RBFOX3: variants seen among roughly 807,000 people sequenced by gnomAD.
RBFOX3 encodes RNA binding protein fox-1 homolog 3.
In RBFOX3, 17 loss-of-function variants were observed where a neutral mutation model predicts 48.7. The observed-to-expected ratio is 0.35, with a 90% CI of 0.24 to 0.52. The LOEUF (loss-of-function observed/expected upper bound fraction) is 0.52, where lower values mean the gene tolerates loss of function less well. RBFOX3 is among the 20% of genes least tolerant of loss of function. RBFOX3 has a pLI of 0.94. For missense variants in RBFOX3, 382 were observed against 497.5 expected, an observed-to-expected ratio of 0.77 and a Z score of 2.21; for synonymous variants, 212 against 209.5, an observed-to-expected ratio of 1.01 and a Z score of -0.10.
chr17:79,590,819 G>A (rs950725148), intron 1 of RBFOX3, among the ~76,000 whole-genome samples: 68 of 152,226 alleles, frequency 4.5e-4, no homozygotes, highest in Non-Finnish European at 6.9e-4. Context: ...TCAGCCCTGG[G>A]GTAAGAGTTC....
At chr17:79,485,470 C>A (rs1281740252) in intron 1 of RBFOX3, among the ~76,000 whole-genome samples, 2 of 152,144 alleles carry the variant, frequency 1.3e-5, no homozygotes, top group African/African-American at 4.8e-5. Flanking sequence ...CCCTCCCCAG[C>A]ACAGAAATCT....
At chr17:79,411,048 T>C (rs1011944284) in intron 2 of RBFOX3, among the ~76,000 whole-genome samples, 34 of 152,298 alleles carry the variant, frequency 2.2e-4, no homozygotes, top group African/African-American at 8.2e-4. Context: ...ACCTTGCCAT[T>C]TTGTGCCTCA....
chr17:79,403,782 CTTTT>C (rs781618072), intron 2 of RBFOX3, among the ~76,000 whole-genome samples: 1 of 124,352 alleles, frequency 8.0e-6, no homozygotes, highest in Admixed American at 8.6e-5. Context: ...TGTTCTTTTT[CTTTT>C]TTTTTTTTTT....
At chr17:79,314,444 A>C (rs965795510) in intron 2 of RBFOX3, among the ~76,000 whole-genome samples, 4 of 152,208 alleles carry the variant, frequency 2.6e-5, no homozygotes, top group Non-Finnish European at 2.9e-5. Flanking sequence ...AGGCAGGTGC[A>C]GATGGCCTCG....
At position 79,515,567 on chromosome 17, in the gene RBFOX3, A is replaced by C. The variant is rs1017928945; in HGVS notation, c.-319-32969T>G. On this transcript the variant is annotated intron_variant, in intron 1 of 14. Coordinates refer to ENST00000693108, the MANE Select transcript of RBFOX3 (RefSeq NM_001350451.2). ...GCCGCTGGCAGCACAGTTCCTTCTC[A>C]GAGTCTCTGCTCTGCTCTTTCCTTG... is the stretch of plus-strand genomic sequence containing the variant. Among the ~76,000 whole-genome samples the C allele has an allele frequency of 1.3e-5, 2 of 152,236 alleles. 1 individual carries two copies. The highest frequency in any genetic ancestry group is 1.3e-4 in the Admixed American group (2 of 15,282).
intron 3 of RBFOX3, among the ~76,000 whole-genome samples, chr17:79,271,491 C>G (rs1031019419): frequency 6.6e-6 from 1 of 152,200 alleles, no homozygotes; most frequent in Admixed American, 6.5e-5. Context: ...ATTAGCCGCT[C>G]TTTGCGCTGT....
chr17:79,458,652 T>G (rs925740524), intron 2 of RBFOX3, among the ~76,000 whole-genome samples: 16 of 151,876 alleles, frequency 1.1e-4, no homozygotes, highest in African/African-American at 3.6e-4. Flanking sequence ...TGAGCTCTTC[T>G]GCAGTGCTAG....
intron 4 of RBFOX3, among the ~76,000 whole-genome samples, chr17:79,211,502 G>A (rs932036461): frequency 6.6e-6 from 1 of 152,230 alleles, no homozygotes; most frequent in Non-Finnish European, 1.5e-5. Flanking sequence ...CAGAGCTGCT[G>A]GGACTGGCTC....
At position 79,205,430 on chromosome 17, in the gene RBFOX3, T is replaced by C. The variant is rs1277261008; in HGVS notation, c.-34+30336A>G. On this transcript the variant is annotated intron_variant, in intron 4 of 14. Coordinates refer to ENST00000693108, the MANE Select transcript of RBFOX3 (RefSeq NM_001350451.2). The surrounding 1 kb of genome is among the most constrained non-coding windows in gnomAD (Gnocchi z 4.5). ...GAGTCTGCATTTGGATGGCTACACTTAGCATCTAGCATAACCTGAATATGA... is the reference window on the plus strand; with the variant it reads ...GAGTCTGCATTTGGATGGCTACACTCAGCATCTAGCATAACCTGAATATGA... Among the ~76,000 whole-genome samples, 1 of 152,124 alleles carries C rather than the reference T, an allele frequency of 6.6e-6. No homozygotes were observed. Among genetic ancestry groups the C allele is most frequent in the Admixed American group, 6.6e-5 (1 of 15,264 alleles).
At chr17:79,565,367 A>T (rs2092419233) in intron 1 of RBFOX3, among the ~76,000 whole-genome samples, 1 of 147,922 alleles carries the variant, frequency 6.8e-6, no homozygotes, top group African/African-American at 2.5e-5. Flanking sequence ...TGAGACAGAG[A>T]CTCGCTCTGT....
At chr17:79,587,828 G>A (rs1395113192) in intron 1 of RBFOX3, among the ~76,000 whole-genome samples, 1 of 152,164 alleles carries the variant, frequency 6.6e-6, no homozygotes, top group Non-Finnish European at 1.5e-5. Flanking sequence ...TTCACGGGAG[G>A]ACGGAACATT....
intron 2 of RBFOX3, among the ~76,000 whole-genome samples, chr17:79,445,995 G>A (rs751971547): frequency 2.0e-5 from 3 of 152,146 alleles, no homozygotes; most frequent in Admixed American, 6.5e-5. Context: ...CATGGCGAGC[G>A]GAACCAGGGA....
the RBFOX3 span, among the ~76,000 whole-genome samples, chr17:79,623,640 G>A: frequency 6.6e-6 from 1 of 151,822 alleles, no homozygotes; most frequent in Non-Finnish European, 1.5e-5. Context: ...ATGGTGAAAC[G>A]CTGTCTCTAC....
rs1474370478 is a variant in RBFOX3 at position 79,473,181 on chromosome 17, C to T, written c.-175+9273G>A. On this transcript the variant is annotated intron_variant, in intron 2 of 14. Transcript: ENST00000693108. This position sits in a 1 kb window ranked among gnomAD's most constrained non-coding sequence, Gnocchi z 4.2. The stretch of plus-strand genomic sequence containing the variant: ...AAAGATTCTAAATGCTTAATTTCAG[C>T]TTCTGTACTCAGTTGCAGGGATCAG... Among the ~76,000 whole-genome samples, 1 of 152,254 alleles carries T rather than the reference C, an allele frequency of 6.6e-6. No individual in the cohort carries two copies. Among genetic ancestry groups the T allele is most frequent in the African/African-American group, 2.4e-5 (1 of 41,466 alleles).
chr17:79,128,064 C>T (rs2037793310), intron 4 of RBFOX3, among the ~76,000 whole-genome samples: 1 of 152,252 alleles, frequency 6.6e-6, no homozygotes, highest in Admixed American at 6.5e-5. Flanking sequence ...GATGTCTGGG[C>T]ACAGCAGCGG....
In RBFOX3 at chr17:79,097,743, A is replaced by C. The variant is rs1279191194; in HGVS notation, c.571T>G (p.Trp191Gly). Residue 191 changes from tryptophan (W) to glycine (G), a missense_variant and splice_region_variant, in exon 10 of 15, where the codon TGG (tryptophan) becomes GGG (glycine). Transcript: ENST00000693108. ...KKTGNPYTNG[W>G]KLNPVVGAVY... The stretch of plus-strand genomic sequence containing the variant: ...GCGCCGACCACTGGATTTAGCTTCC[A>C]GCCTAAAACAAAGGCACAGAGACCT... 6.5e-7 allele frequency: 1 copy of C among 1,550,090 alleles called. No individual in the cohort carries two copies. Among genetic ancestry groups the C allele is most frequent in the Non-Finnish European group, 8.7e-7 (1 of 1,146,490 alleles).
chr17:79,553,795 C>T (rs918735030), intron 1 of RBFOX3, among the ~76,000 whole-genome samples: 181 of 152,108 alleles, frequency 1.2e-3, no homozygotes, highest in African/African-American at 4.1e-3. Flanking sequence ...TGCAGTGGTG[C>T]GATCTTGGCT....
chr17:79,358,751 G>A (rs9916213), intron 2 of RBFOX3, among the ~76,000 whole-genome samples: 70,679 of 152,072 alleles, frequency 0.46, 16,568 homozygotes, highest in South Asian at 0.49. Flanking sequence ...GTGAGCCTCC[G>A]TGCTCGGCCT....
At chr17:79,515,410 C>T (rs2085110128) in intron 1 of RBFOX3, among the ~76,000 whole-genome samples, 2 of 152,290 alleles carry the variant, frequency 1.3e-5, no homozygotes, top group South Asian at 4.1e-4. Context: ...GCCACTTGTA[C>T]CCCAGGTCTC....
Sources: gnomAD v4.1 joint callset for allele counts (sites outside exome capture counted in the v4.1 genomes callset) on GRCh38, gnomAD v4.1.1 for gene constraint, Gnocchi (gnomAD v3.1) non-coding constraint, MANE v1.5 for transcripts, NCBI Gene and HGNC (gene_info 2026-07-23, HGNC 2026-07-21) for gene names.